SYN3: variants seen among roughly 807,000 people sequenced by gnomAD.
SYN3 encodes the protein synapsin-3.
In SYN3, 35 loss-of-function variants were observed where a neutral mutation model predicts 65.8. The observed-to-expected ratio is 0.53, with a 90% CI of 0.41 to 0.70. SYN3 has a LOEUF of 0.70. Ranked by LOEUF, SYN3 falls within the 30% of genes least tolerant of loss-of-function variation. SYN3 has a pLI of 0.00. For missense variants in SYN3, 680 were observed against 749.0 expected (o/e 0.91, Z 1.08); for synonymous variants, 270 against 292.9 (o/e 0.92, Z 0.80).
chr22:32,971,587 G>C (rs2052022069), intron 3 of SYN3, among the ~76,000 whole-genome samples: 1 of 152,164 alleles, frequency 6.6e-6, no homozygotes, highest in Admixed American at 6.5e-5. Context: ...ATCCATGCCT[G>C]GGCTGTAACC....
intron 2 of SYN3, among the ~76,000 whole-genome samples, chr22:32,997,749 G>T (rs565411942): frequency 6.6e-6 from 1 of 152,054 alleles, no homozygotes; most frequent in Admixed American, 6.6e-5. Context: ...GCCACCGGCC[G>T]GGCGCGGTGG....
intron 6 of SYN3, among the ~76,000 whole-genome samples, chr22:32,702,297 A>T (rs1375648373): frequency 6.6e-6 from 1 of 152,108 alleles, no homozygotes; most frequent in Non-Finnish European, 1.5e-5. Context: ...CTAACATGGT[A>T]AAAACCTGTT....
At chr22:32,948,876 T>TAAAAA (rs200190615) in intron 3 of SYN3, among the ~76,000 whole-genome samples, 2 of 135,228 alleles carry the variant, frequency 1.5e-5, no homozygotes, top group Admixed American at 7.2e-5. Context: ...ATTAAATGTC[T>TAAAAA]AAAAAAAAAA....
chr22:32,945,749 T>C (rs557704223), intron 3 of SYN3, among the ~76,000 whole-genome samples: 1 of 152,266 alleles, frequency 6.6e-6, no homozygotes, highest in African/African-American at 2.4e-5. Flanking sequence ...CTAGAGTGAA[T>C]AGGCAACCTA....
chr22:33,024,178 T>C (rs1601922985), intron 1 of SYN3, among the ~76,000 whole-genome samples: 1 of 152,196 alleles, frequency 6.6e-6, no homozygotes, highest in African/African-American at 2.4e-5. Context: ...TCAGAATGGC[T>C]TTCCTGACCA....
intron 6 of SYN3, among the ~76,000 whole-genome samples, chr22:32,705,049 T>G (rs2060862074): frequency 2.0e-5 from 3 of 152,256 alleles, no homozygotes; most frequent in Non-Finnish European, 2.9e-5. Flanking sequence ...CAGAAGCTCT[T>G]ACGTTGAATT....
chr22:32,715,448 T>G (rs946477444), intron 6 of SYN3, among the ~76,000 whole-genome samples: 3 of 152,216 alleles, frequency 2.0e-5, no homozygotes, highest in Admixed American at 2.0e-4. Context: ...TAAATATTTG[T>G]TCGTTTCTAA....
At position 32,561,071 on chromosome 22, in the gene SYN3, G is replaced by C. The variant is rs542110575; in HGVS notation, c.775-19358C>G. ...AAATGGGAAAGCCTGCGGAGGAGCA[G>C]TTGTGCCCACGATCAGAGTCCTTGT... On this transcript the variant is annotated intron_variant, in intron 7 of 13. Transcript: ENST00000358763. Among the ~76,000 whole-genome samples, 86 of 152,302 alleles carry C rather than the reference G, an allele frequency of 5.6e-4. 2 individuals are homozygous for C. The highest frequency in any genetic ancestry group is 2.0e-3 in the African/African-American group (82 of 41,562).
chr22:32,866,063 G>T (rs187679106), intron 5 of SYN3, among the ~76,000 whole-genome samples: 9 of 152,294 alleles, frequency 5.9e-5, no homozygotes, highest in Non-Finnish European at 1.3e-4. Context: ...AGCCTTAAAG[G>T]CCTGACCAGA....
At chr22:32,530,578 ATTT>A (rs575048512) in intron 10 of SYN3, among the ~76,000 whole-genome samples, 1 of 126,636 alleles carries the variant, frequency 7.9e-6, no homozygotes. Context: ...CTACGGGCCT[ATTT>A]TTTTTTTTTT....
chr22:33,004,320 G>A (rs973439413), intron 2 of SYN3, among the ~76,000 whole-genome samples: 6 of 152,216 alleles, frequency 3.9e-5, no homozygotes, highest in East Asian at 1.9e-4. Context: ...AAGACACAAC[G>A]CCAGCCTGTG....
intron 2 of SYN3, among the ~76,000 whole-genome samples, chr22:33,000,306 G>A (rs1027634700): frequency 2.0e-5 from 3 of 152,130 alleles, no homozygotes; most frequent in Non-Finnish European, 4.4e-5. Context: ...GCCTAGCCAG[G>A]CTGGTCTCCT....
Position 32,538,115 on chromosome 22 carries a change from A to C in SYN3, c.918-5T>G. 1 of 1,613,994 alleles carries C rather than the reference A, an allele frequency of 6.2e-7. No homozygotes were observed. The highest frequency in any genetic ancestry group is 8.5e-7 in the Non-Finnish European group (1 of 1,179,874). On this transcript the variant is annotated splice_region_variant and splice_polypyrimidine_tract_variant and intron_variant, in intron 8 of 13. Transcript: ENST00000358763. The stretch of plus-strand genomic sequence containing the variant: ...TTCCCAGAGATGGAGGTTCTCCTGT[A>C]CCAGAACAAACAACACATTGAGGGA...
chr22:32,635,605 G>C (rs1162259685), intron 6 of SYN3, among the ~76,000 whole-genome samples: 2 of 152,196 alleles, frequency 1.3e-5, no homozygotes, highest in East Asian at 3.8e-4. Flanking sequence ...GGTTTCTGTG[G>C]ATGGTGAATT....
At position 32,794,910 on chromosome 22, in the gene SYN3, T is replaced by C. The variant is rs564808858; in HGVS notation, c.711+70005A>G. On this transcript the variant is annotated intron_variant, in intron 6 of 13. Transcript: ENST00000358763. The stretch of plus-strand genomic sequence containing the variant: ...TGGCGGCTAGATTCCAGGCCAAGAG[T>C]GCATTGTGAACAAGGCTCAGAGAAA... Among the ~76,000 whole-genome samples the C allele has an allele frequency of 2.0e-5, 3 of 151,660 alleles. No individual in the cohort carries two copies. The East Asian group carries it at 5.8e-4, about 30-fold the overall frequency.
chr22:32,804,655 CT>C (rs1379044810), intron 6 of SYN3, among the ~76,000 whole-genome samples: 2 of 152,160 alleles, frequency 1.3e-5, no homozygotes, highest in Non-Finnish European at 2.9e-5. Context: ...CTCTTTTTGT[CT>C]TTTTTCCCCA....
chr22:32,915,979 A>G (rs910475633), intron 4 of SYN3, among the ~76,000 whole-genome samples: 4 of 152,174 alleles, frequency 2.6e-5, no homozygotes, highest in African/African-American at 9.7e-5. Flanking sequence ...GACCACTAGA[A>G]TGAGGGAGAA....
chr22:32,690,374 TG>T (rs2060646265), intron 6 of SYN3, among the ~76,000 whole-genome samples: 1 of 152,196 alleles, frequency 6.6e-6, no homozygotes, highest in Non-Finnish European at 1.5e-5. Context: ...GGTATTTTTG[TG>T]ATAGCAGCAG....
chr22:33,055,746 T>C (rs371966376), intron 1 of SYN3, among the ~76,000 whole-genome samples: 20 of 152,224 alleles, frequency 1.3e-4, no homozygotes, highest in African/African-American at 4.1e-4. Flanking sequence ...AAAGAGCCTG[T>C]TATTCTCTAT....
Sources: allele counts gnomAD v4.1 joint callset (sites outside exome capture counted in the v4.1 genomes callset), GRCh38; gene constraint gnomAD v4.1.1; transcripts MANE v1.5; gene names NCBI Gene and HGNC (gene_info 2026-07-23, HGNC 2026-07-21).